The following ZC3H13 variants were observed in gnomAD, a reference collection of about 807,000 sequenced individuals.
ZC3H13 encodes zinc finger CCCH-type containing 13, also known as zinc finger CCCH domain-containing protein 13.
ZC3H13 carries 64 observed loss-of-function variants against 204.1 expected under a neutral mutation model. That is an observed-to-expected ratio of 0.31 (90% CI 0.26 to 0.39). The LOEUF (loss-of-function observed/expected upper bound fraction) is 0.39. Among genes scored for constraint, ZC3H13 ranks in the 10% least tolerant of loss-of-function variants. ZC3H13 has a pLI of 1.00. For synonymous variants in ZC3H13, 667 were observed against 693.7 expected (o/e 0.96, Z 0.60); for missense variants, 1,833 against 2,082.7 (o/e 0.88, Z 2.33).
chr13:45,984,139 A>G (rs140764833), intron 10 of ZC3H13, among the ~76,000 whole-genome samples: 51 of 152,374 alleles, frequency 3.3e-4, no homozygotes, highest in African/African-American at 7.7e-4. Flanking sequence ...GACATGAAAG[A>G]TATTTTTACT....
chr13:46,037,630 T>G (rs1261725502), intron 4 of ZC3H13, among the ~76,000 whole-genome samples: 1 of 147,918 alleles, frequency 6.8e-6, no homozygotes, highest in East Asian at 2.0e-4. Context: ...TCCTACTGAC[T>G]ACCTCATATA....
Position 45,957,050 on chromosome 13 carries a change from C to G in ZC3H13, c.*77G>C, listed in dbSNP as rs1041708881. ...TTCTGCCTTTGTCACTAATGCTTGT[C>G]AAACCAAAGAACTTTGCAAAAGAAT... On this transcript the variant is annotated 3_prime_UTR_variant, in exon 19 of 19. Coordinates refer to ENST00000679008, the MANE Select transcript of ZC3H13 (RefSeq NM_001330564.2). The G allele has an allele frequency of 2.2e-5, 27 of 1,242,070 alleles. No homozygotes were observed. The African/African-American group carries it at 3.6e-4, about 16-fold the overall frequency. The allele number at this position is 1,242,070 out of a possible 1,614,324, so 76.9% of individuals were successfully genotyped here.
chr13:45,987,452 TA>T (rs1268249198), intron 9 of ZC3H13, among the ~76,000 whole-genome samples: 8 of 152,162 alleles, frequency 5.3e-5, no homozygotes, highest in African/African-American at 1.7e-4. Flanking sequence ...TTAAAATTTA[TA>T]GAAAGGTACA....
In ZC3H13 at chr13:46,040,444, A is replaced by T. The variant is rs75545404; in HGVS notation, c.339+1720T>A. 3.3e-4 allele frequency among the ~76,000 whole-genome samples: 51 copies of T among 152,250 alleles called. 1 individual carries two copies. The East Asian group carries it at 9.8e-3, about 29-fold the overall frequency. On this transcript the variant is annotated intron_variant, in intron 4 of 18. Transcript: ENST00000679008. ...CACATCATAAATAAAAATTAGCTCA[A>T]AATGTATCAAAGGCTTAAATATAAG... is the stretch of plus-strand genomic sequence containing the variant.
intron 7 of ZC3H13, among the ~76,000 whole-genome samples, chr13:46,005,305 T>C (rs1219467947): frequency 1.3e-5 from 2 of 152,334 alleles, no homozygotes; most frequent in African/African-American, 4.8e-5. Context: ...CCCAAGTCTC[T>C]GCAGTTCTCT....
chr13:46,004,530 A>G (rs1425569346), intron 7 of ZC3H13, among the ~76,000 whole-genome samples: 2 of 152,052 alleles, frequency 1.3e-5, no homozygotes, highest in Admixed American at 6.6e-5. Flanking sequence ...ACAGAGTAAG[A>G]CTCTAACTCA....
At chr13:45,989,194 T>G in intron 8 of ZC3H13, 97 bp from the exon 9 acceptor site, 3 of 1,151,062 alleles carry the variant, frequency 2.6e-6, no homozygotes, top group Non-Finnish European at 3.7e-6. Flanking sequence ...TATGAAAGTA[T>G]AGACAATAAC....
At chr13:46,001,359 T>C (rs1432220544) in intron 8 of ZC3H13, 1 of 152,238 alleles carries the variant, frequency 6.6e-6, no homozygotes, top group Non-Finnish European at 1.5e-5. Flanking sequence ...AACCAAAATG[T>C]CTTTTTCCAA....
At chr13:46,049,481 T>C (rs1231493508) in intron 1 of ZC3H13, among the ~76,000 whole-genome samples, 1 of 152,192 alleles carries the variant, frequency 6.6e-6, no homozygotes, top group Non-Finnish European at 1.5e-5. Context: ...TACTTAAATA[T>C]TACTAATGAG....
rs1443360570 is a variant in ZC3H13 at position 45,972,075 on chromosome 13, CTA to C, written c.2469-1612_2469-1611del. Among the ~76,000 whole-genome samples, 13 of 151,836 alleles carry C rather than the reference CTA, an allele frequency of 8.6e-5. No homozygotes were observed. The East Asian group carries it at 2.5e-3, about 29-fold the overall frequency. On this transcript the variant is annotated intron_variant, in intron 12 of 18. Coordinates refer to ENST00000679008, the MANE Select transcript of ZC3H13 (RefSeq NM_001330564.2). ...GTGGGTATGTAAATAAGTACAACCT[CTA>C]TGAAAAACAGTATGGAGAGTCCCTA...
At chr13:46,023,717 TATATAGGGTA>T (rs1369972930) in intron 4 of ZC3H13, among the ~76,000 whole-genome samples, 2 of 152,176 alleles carry the variant, frequency 1.3e-5, no homozygotes, top group Non-Finnish European at 2.9e-5. Context: ...ATGAAGTCTA[TATATAGGGTA>T]AACTTCAGGC....
intron 8 of ZC3H13, among the ~76,000 whole-genome samples, chr13:46,002,883 C>T (rs1443706766): frequency 6.8e-6 from 1 of 147,258 alleles, no homozygotes; most frequent in Non-Finnish European, 1.5e-5. Context: ...AAACTATAAA[C>T]TTTAAAATGA....
chr13:45,960,891 G>T (rs1015317981), intron 17 of ZC3H13, among the ~76,000 whole-genome samples: 1 of 152,210 alleles, frequency 6.6e-6, no homozygotes, highest in African/African-American at 2.4e-5. Context: ...GCTGCAAAGT[G>T]TAAGTATTGA....
At chr13:46,044,883 G>C in intron 3 of ZC3H13, 72 bp downstream of exon 3, 1 of 1,125,368 alleles carries the variant, frequency 8.9e-7, no homozygotes, top group Non-Finnish European at 1.2e-6. Flanking sequence ...TTGTATTTCA[G>C]ATTTTTATAC....
rs184766602 is a variant in ZC3H13 at position 45,968,913 on chromosome 13, T to A, written c.3631A>T (p.Asn1211Tyr). The change falls in exon 14 of 19, where the codon AAT (asparagine) becomes TAT (tyrosine). Residue 1211 changes from asparagine to tyrosine, a missense_variant. Coordinates refer to ENST00000679008, the MANE Select transcript of ZC3H13 (RefSeq NM_001330564.2). ...HTSGRLRSPSNDSAHRSGDDQ... is the reference protein window; with the variant it reads ...HTSGRLRSPSYDSAHRSGDDQ... The stretch of plus-strand genomic sequence containing the variant: ...TCTCCACTTCGATGGGCTGAATCAT[T>A]GGATGGGGAGCGAAGACGACCAGAC... The A allele has an allele frequency of 2.5e-6, 4 of 1,614,172 alleles. No individual in the cohort carries two copies. The African/African-American group carries it at 4.0e-5, about 16-fold the overall frequency.
At chr13:46,007,312 C>T (rs954237480) in intron 7 of ZC3H13, among the ~76,000 whole-genome samples, 14 of 152,144 alleles carry the variant, frequency 9.2e-5, no homozygotes, top group African/African-American at 3.4e-4. Context: ...CTCTCATATG[C>T]CAGGCAATTG....
At chr13:46,010,915 A>T (rs1187257614) in intron 6 of ZC3H13, among the ~76,000 whole-genome samples, 1 of 152,028 alleles carries the variant, frequency 6.6e-6, no homozygotes, top group Non-Finnish European at 1.5e-5. Context: ...AATAAAAATA[A>T]TAAAATTATA....
intron 5 of ZC3H13, among the ~76,000 whole-genome samples, chr13:46,017,550 TTA>T (rs776570429): frequency 2.6e-5 from 4 of 152,294 alleles, no homozygotes; most frequent in East Asian, 3.9e-4. Flanking sequence ...TAATGGATTT[TTA>T]TATGTCATTG....
chr13:46,005,575 G>A lies in ZC3H13; in HGVS notation c.747-2239C>T, dbSNP rs1459426870. ...CACAATCATGGCTCACTGCAGCCTC[G>A]ACCCCCAGGGCTCCAGTGATCCCCA... is the stretch of plus-strand genomic sequence containing the variant. On this transcript the variant is annotated intron_variant, in intron 7 of 18. Transcript: ENST00000679008. 4.0e-5 allele frequency among the ~76,000 whole-genome samples: 6 copies of A among 151,816 alleles called. No homozygotes were observed. In the South Asian group the frequency reaches 1.0e-3, roughly 26 times the overall value.
Sources: allele counts gnomAD v4.1 joint callset (sites outside exome capture counted in the v4.1 genomes callset), GRCh38; gene constraint gnomAD v4.1.1; transcripts MANE v1.5; gene names NCBI Gene and HGNC (gene_info 2026-07-23, HGNC 2026-07-21).